ANKRD39: variants seen among roughly 807,000 people sequenced by gnomAD.
ANKRD39 encodes ankyrin repeat domain 39.
A neutral mutation model predicts 20.3 loss-of-function variants in ANKRD39; 18 were observed. The observed-to-expected ratio is 0.89, with a 90% confidence interval of 0.61 to 1.32. ANKRD39 has a LOEUF of 1.32. Ranked by LOEUF, ANKRD39 falls within the 40% of genes most tolerant of loss-of-function variation. The probability of loss-of-function intolerance (pLI) is 0.00; values close to 1 mark genes in which losing one functional copy is unlikely to be tolerated. For synonymous variants in ANKRD39, 106 were observed against 111.9 expected (o/e 0.95, Z 0.33); for missense variants, 243 against 250.7 (o/e 0.97, Z 0.21).
At chr2:96,856,008 CAACA>C (rs1479077373) in intron 1 of ANKRD39, among the ~76,000 whole-genome samples, 2 of 147,348 alleles carry the variant, frequency 1.4e-5, no homozygotes, top group Non-Finnish European at 3.0e-5. Context: ...ACAACAACAA[CAACA>C]AAGAGTTACT....
intron 1 of ANKRD39, 78 bp downstream of exon 1, chr2:96,857,810 T>G (rs975781020): frequency 2.1e-6 from 3 of 1,441,096 alleles, no homozygotes; most frequent in Non-Finnish European, 2.8e-6. Flanking sequence ...GCCCCGTTCA[T>G]CCGCCTCTCC....
At position 96,848,181 on chromosome 2, in the gene ANKRD39, G is replaced by A. The variant is rs543128134; in HGVS notation, c.*120C>T. ...CTCGCTTCCACAGTGACCAGACTGG[G>A]GCTCTTCCTGGGTGGTCTGGCCTCA... is the stretch of plus-strand genomic sequence containing the variant. On this transcript the variant is annotated 3_prime_UTR_variant, in exon 4 of 4. Coordinates refer to ENST00000393537, the MANE Select transcript of ANKRD39 (RefSeq NM_016466.6). The A allele has an allele frequency of 7.1e-7, 1 of 1,402,094 alleles. No individual in the cohort carries two copies. Among genetic ancestry groups the A allele is most frequent in the Admixed American group, 2.0e-5 (1 of 50,004 alleles). 86.9% of individuals were successfully genotyped at this position (1,402,094 alleles called of 1,614,324 possible).
intron 3 of ANKRD39, among the ~76,000 whole-genome samples, chr2:96,851,081 C>G (rs62152860): frequency 6.6e-6 from 1 of 152,120 alleles, no homozygotes; most frequent in Non-Finnish European, 1.5e-5. Flanking sequence ...GGAGCCTCCA[C>G]CTCCTGGATT....
At chr2:96,851,979 C>T (rs894309996) in intron 3 of ANKRD39, among the ~76,000 whole-genome samples, 2 of 151,908 alleles carry the variant, frequency 1.3e-5, no homozygotes, top group Admixed American at 1.3e-4. Context: ...GGTGTCGAGA[C>T]GATAGTGAGA....
chr2:96,857,749 C>T, intron 1 of ANKRD39, 139 bp downstream of exon 1: 1 of 910,938 alleles, frequency 1.1e-6, no homozygotes, highest in Non-Finnish European at 1.6e-6. Flanking sequence ...ACCGTGGGTC[C>T]CGCCCGCCTT....
chr2:96,854,396 T>C lies in ANKRD39; in HGVS notation c.146A>G (p.His49Arg), dbSNP rs756215159. ...ALNGDLGRVK[H>R]LIQKAEDPSQ... ...TGGGTCCTCGGCCTTCTGGATTAAA[T>C]GCTTCACTCGGCCCAGGTCTCCATT... The change falls in exon 2 of 4, where the codon CAT becomes CGT. Residue 49 changes from histidine (H) to arginine (R), a missense_variant. By Grantham distance (29) the His-to-Arg change is conservative. Transcript: ENST00000393537. 1 of 1,614,192 alleles carries C rather than the reference T, an allele frequency of 6.2e-7. No homozygotes were observed. The highest frequency in any genetic ancestry group is 1.1e-5 in the South Asian group (1 of 91,086).
At chr2:96,852,694 T>G (rs1353924558) in intron 3 of ANKRD39, among the ~76,000 whole-genome samples, 1 of 152,018 alleles carries the variant, frequency 6.6e-6, no homozygotes, top group Non-Finnish European at 1.5e-5. Context: ...GGGGACTAGA[T>G]TTACACATGA....
At position 96,857,885 on chromosome 2, in the gene ANKRD39, C is replaced by T; in HGVS notation, c.100+3G>A. On this transcript the variant is annotated splice_donor_region_variant and intron_variant, in intron 1 of 3. Coordinates refer to ENST00000393537, the MANE Select transcript of ANKRD39 (RefSeq NM_016466.6). Reference sequence around the variant, plus strand: ...AACCACGAGGGCCGCGCGGCAGCCTCACCCCTCTCGAAGTCCATCTCCTCC... The same window carrying T: ...AACCACGAGGGCCGCGCGGCAGCCTTACCCCTCTCGAAGTCCATCTCCTCC... 6.4e-7 allele frequency: 1 copy of T among 1,574,588 alleles called. No homozygotes were observed. Among genetic ancestry groups the T allele is most frequent in the Non-Finnish European group, 8.6e-7 (1 of 1,166,734 alleles).
chr2:96,856,487 A>T (rs1478623927), intron 1 of ANKRD39, among the ~76,000 whole-genome samples: 1 of 149,924 alleles, frequency 6.7e-6, no homozygotes, highest in Non-Finnish European at 1.5e-5. Flanking sequence ...AAAAAAAAAA[A>T]GCAAGATGAT....
At chr2:96,853,726 A>T in intron 2 of ANKRD39, 122 bp from the exon 3 acceptor site, 1 of 943,084 alleles carries the variant, frequency 1.1e-6, no homozygotes, top group East Asian at 2.7e-5. Flanking sequence ...TGCCAACCCC[A>T]GCAGTCGTGT....
intron 1 of ANKRD39, among the ~76,000 whole-genome samples, chr2:96,857,455 G>A (rs753011002): frequency 2.6e-5 from 4 of 152,228 alleles, no homozygotes; most frequent in Non-Finnish European, 4.4e-5. Context: ...CATGCAGGCT[G>A]CCTGGCACCC....
At chr2:96,856,202 G>A (rs2079864017) in intron 1 of ANKRD39, among the ~76,000 whole-genome samples, 1 of 151,968 alleles carries the variant, frequency 6.6e-6, no homozygotes, top group South Asian at 2.1e-4. Flanking sequence ...TGCCGGGTGC[G>A]GTGGCTCACG....
chr2:96,848,636 CA>C (rs2079822157), intron 3 of ANKRD39, among the ~76,000 whole-genome samples, 192 bp from the exon 4 acceptor site: 2 of 152,140 alleles, frequency 1.3e-5, no homozygotes, highest in Admixed American at 1.3e-4. Context: ...ACCAGCCTGA[CA>C]TGGTGAAACC....
intron 1 of ANKRD39, among the ~76,000 whole-genome samples, chr2:96,857,311 C>T (rs927023819): frequency 1.3e-5 from 2 of 152,222 alleles, no homozygotes; most frequent in African/African-American, 4.8e-5. Context: ...TGGTTTCCCG[C>T]CTTCCTCTGT....
chr2:96,857,102 G>T (rs2079869018), intron 1 of ANKRD39, among the ~76,000 whole-genome samples: 1 of 152,204 alleles, frequency 6.6e-6, no homozygotes, highest in Admixed American at 6.5e-5. Flanking sequence ...AAGCGTGGAA[G>T]CAGAAAGACC....
intron 3 of ANKRD39, among the ~76,000 whole-genome samples, chr2:96,850,980 G>C (rs2079834149): frequency 6.6e-6 from 1 of 152,192 alleles, no homozygotes. Flanking sequence ...CCTATGCTAA[G>C]TGCTAAGGCT....
chr2:96,857,754 C>T, intron 1 of ANKRD39, 134 bp downstream of exon 1: 1 of 948,716 alleles, frequency 1.1e-6, no homozygotes, highest in South Asian at 1.6e-5. Context: ...GGGTCCCGCC[C>T]GCCTTCCCGC....
intron 1 of ANKRD39, among the ~76,000 whole-genome samples, chr2:96,856,926 G>GAAATAAAA (rs1263893444): frequency 9.9e-5 from 15 of 152,222 alleles, no homozygotes; most frequent in Admixed American, 9.8e-4. Flanking sequence ...CTGCGGCGTA[G>GAAATAAAA]TGATTGGGGG....
intron 1 of ANKRD39, among the ~76,000 whole-genome samples, chr2:96,857,007 G>A (rs1209624030): frequency 6.6e-6 from 1 of 152,180 alleles, no homozygotes; most frequent in African/African-American, 2.4e-5. Flanking sequence ...GAGCTTTGTA[G>A]GCCATAACAG....
Sources: allele counts gnomAD v4.1 joint callset (sites outside exome capture counted in the v4.1 genomes callset), GRCh38; gene constraint gnomAD v4.1.1; transcripts MANE v1.5; gene names NCBI Gene and HGNC (gene_info 2026-07-23, HGNC 2026-07-21).